Variants in GALNTL6 observed in about 807,000 individuals in gnomAD.
The protein encoded by GALNTL6 is polypeptide N-acetylgalactosaminyltransferase-like 6.
Under a neutral mutation model 73.7 loss-of-function variants are expected in GALNTL6, and 46 were observed. The ratio of observed to expected loss-of-function variants is 0.62; its 90% CI spans 0.49 to 0.80. The LOEUF (loss-of-function observed/expected upper bound fraction) is 0.80. Ranked by LOEUF, GALNTL6 falls within the 30% of genes least tolerant of loss-of-function variation. GALNTL6 has a pLI of 0.00. For synonymous variants in GALNTL6, 259 were observed against 263.7 expected (o/e 0.98, Z 0.17); for missense variants, 604 against 755.0 (o/e 0.80, Z 2.34).
chr4:172,033,270 A>G (rs1741824587), intron 2 of GALNTL6, among the ~76,000 whole-genome samples: 1 of 152,060 alleles, frequency 6.6e-6, no homozygotes, highest in Non-Finnish European at 1.5e-5. Context: ...CTATAAAAGC[A>G]CATTTGTCAA....
chr4:171,906,382 T>C (rs1210639560), intron 2 of GALNTL6, among the ~76,000 whole-genome samples: 1 of 151,730 alleles, frequency 6.6e-6, no homozygotes, highest in African/African-American at 2.4e-5. Flanking sequence ...GCAAATAAAC[T>C]AGAAAATCTA....
chr4:172,481,672 G>C (rs1317074442), intron 5 of GALNTL6, among the ~76,000 whole-genome samples: 2 of 152,128 alleles, frequency 1.3e-5, no homozygotes, highest in Non-Finnish European at 2.9e-5. Flanking sequence ...AGTTCTCCAA[G>C]TCCCCACTAG....
intron 10 of GALNTL6, among the ~76,000 whole-genome samples, chr4:172,962,058 TAC>T (rs1750082751): frequency 1.3e-5 from 2 of 152,128 alleles, no homozygotes; most frequent in South Asian, 4.2e-4. Context: ...AAAGGAAAAT[TAC>T]AGTCAAAGGG....
At chr4:172,933,299 T>C (rs1208870269) in intron 9 of GALNTL6, among the ~76,000 whole-genome samples, 1 of 152,108 alleles carries the variant, frequency 6.6e-6, no homozygotes, top group East Asian at 1.9e-4. Context: ...TATGCTTGCT[T>C]CGTAGTCTAA....
intron 7 of GALNTL6, among the ~76,000 whole-genome samples, chr4:172,832,255 G>A (rs1742680202): frequency 6.6e-6 from 1 of 152,202 alleles, no homozygotes; most frequent in African/African-American, 2.4e-5. Context: ...TATCTCAGAT[G>A]TTGTGTGGGG....
intron 5 of GALNTL6, among the ~76,000 whole-genome samples, chr4:172,709,103 G>A (rs1734538439): frequency 6.6e-6 from 1 of 152,140 alleles, no homozygotes; most frequent in Admixed American, 6.5e-5. Context: ...CCACATGCAT[G>A]CTTGCGCACC....
intron 2 of GALNTL6, among the ~76,000 whole-genome samples, chr4:172,206,023 T>C (rs1203877497): frequency 1.3e-5 from 2 of 152,180 alleles, no homozygotes; most frequent in Non-Finnish European, 2.9e-5. Flanking sequence ...AAAGAATATG[T>C]ACATATGCCA....
intron 4 of GALNTL6, among the ~76,000 whole-genome samples, chr4:172,339,173 T>C (rs1390559060): frequency 6.6e-6 from 1 of 151,924 alleles, no homozygotes; most frequent in Non-Finnish European, 1.5e-5. Flanking sequence ...TCTGGAGATA[T>C]GCCTGGGCAT....
At chr4:171,906,801 C>T (rs1205536502) in intron 2 of GALNTL6, among the ~76,000 whole-genome samples, 2 of 152,150 alleles carry the variant, frequency 1.3e-5, no homozygotes, top group South Asian at 2.1e-4. Flanking sequence ...CCACCATCAT[C>T]AAGTGGGCTT....
intron 5 of GALNTL6, among the ~76,000 whole-genome samples, chr4:172,807,916 G>T (rs555851117): frequency 6.6e-6 from 1 of 152,070 alleles, no homozygotes; most frequent in African/African-American, 2.4e-5. Flanking sequence ...TCCACCTCCC[G>T]GGTTCAATCA....
intron 2 of GALNTL6, among the ~76,000 whole-genome samples, chr4:172,013,183 G>T (rs943681413): frequency 1.3e-5 from 2 of 151,888 alleles, no homozygotes; most frequent in Admixed American, 1.3e-4. Flanking sequence ...TGTTGGAAAC[G>T]TTCAAAGTCC....
At chr4:172,306,935 T>G (rs1740160618) in intron 3 of GALNTL6, among the ~76,000 whole-genome samples, 1 of 152,198 alleles carries the variant, frequency 6.6e-6, no homozygotes, top group African/African-American at 2.4e-5. Flanking sequence ...CATATGTAAG[T>G]GTCTTTTTCT....
chr4:172,654,828 T>C (rs1161394018), intron 5 of GALNTL6, among the ~76,000 whole-genome samples: 1 of 152,216 alleles, frequency 6.6e-6, no homozygotes, highest in Non-Finnish European at 1.5e-5. Context: ...CAAAATTAGC[T>C]TAGAATTATA....
intron 2 of GALNTL6, among the ~76,000 whole-genome samples, chr4:172,015,923 A>ATTTT (rs70941375): frequency 3.7e-3 from 163 of 44,106 alleles, no homozygotes; most frequent in East Asian, 5.6e-3. Flanking sequence ...ATCTAATAGG[A>ATTTT]TTTTTTTTTT....
chr4:171,864,841 G>GA (rs1397418746), intron 2 of GALNTL6, among the ~76,000 whole-genome samples: 1 of 152,024 alleles, frequency 6.6e-6, no homozygotes, highest in Non-Finnish European at 1.5e-5. Flanking sequence ...TAATTATGCT[G>GA]AAAAAAATAT....
At chr4:172,212,899 G>A (rs572928587) in intron 2 of GALNTL6, among the ~76,000 whole-genome samples, 2 of 151,948 alleles carry the variant, frequency 1.3e-5, no homozygotes, top group Admixed American at 6.6e-5. Context: ...TCGAACTCCC[G>A]ACCTCAAGTG....
chr4:172,258,729 C>T (rs773106258), intron 3 of GALNTL6, among the ~76,000 whole-genome samples: 1 of 151,142 alleles, frequency 6.6e-6, no homozygotes, highest in African/African-American at 2.4e-5. Flanking sequence ...AATGTGTAGC[C>T]TTTTATCTCT....
chr4:172,552,497 C>A (rs1579181715), intron 5 of GALNTL6, among the ~76,000 whole-genome samples: 1 of 151,914 alleles, frequency 6.6e-6, no homozygotes, highest in Non-Finnish European at 1.5e-5. Flanking sequence ...TATATATAAC[C>A]TTTAGTTAAT....
chr4:172,528,952 C>T (rs866629853), intron 5 of GALNTL6, among the ~76,000 whole-genome samples: 6 of 23,312 alleles, frequency 2.6e-4, no homozygotes, highest in Non-Finnish European at 4.2e-4. Flanking sequence ...TTCCCAAAGG[C>T]ATATATATAT....
Sources: allele counts gnomAD v4.1 joint callset (sites outside exome capture counted in the v4.1 genomes callset), GRCh38; gene constraint gnomAD v4.1.1; transcripts MANE v1.5; gene names NCBI Gene and HGNC (gene_info 2026-07-23, HGNC 2026-07-21).